Variants in CAMK1D observed in about 807,000 individuals in gnomAD.
CAMK1D encodes the protein calcium/calmodulin dependent protein kinase ID, also known as calcium/calmodulin-dependent protein kinase type 1D.
A neutral mutation model predicts 47.7 loss-of-function variants in CAMK1D; 9 were observed. That is an observed-to-expected ratio of 0.19 (90% CI 0.11 to 0.33). CAMK1D has a LOEUF of 0.33. CAMK1D is among the 10% of genes least tolerant of loss of function. CAMK1D has a pLI of 1.00. For missense variants in CAMK1D, 291 were observed against 488.7 expected, an observed-to-expected ratio of 0.60 and a Z score of 3.81; for synonymous variants, 184 against 184.9, an observed-to-expected ratio of 0.99 and a Z score of 0.04.
intron 2 of CAMK1D, among the ~76,000 whole-genome samples, chr10:12,643,434 C>T (rs1335889048): frequency 6.6e-6 from 1 of 152,132 alleles, no homozygotes; most frequent in Non-Finnish European, 1.5e-5. Context: ...GGTGAGTGGG[C>T]GAAGCTGCGT....
intron 6 of CAMK1D, among the ~76,000 whole-genome samples, chr10:12,801,830 G>A (rs2131037386): frequency 6.6e-6 from 1 of 152,252 alleles, no homozygotes; most frequent in South Asian, 2.1e-4. Context: ...TATAAAGTGG[G>A]TGTTGTTATC....
chr10:12,754,037 T>G (rs538748747), intron 3 of CAMK1D, among the ~76,000 whole-genome samples: 25 of 151,940 alleles, frequency 1.6e-4, no homozygotes, highest in African/African-American at 6.0e-4. Context: ...ATTACAGGAG[T>G]GTGGCACCAC....
chr10:12,756,939 A>G (rs1264843766), intron 3 of CAMK1D, among the ~76,000 whole-genome samples: 2 of 152,130 alleles, frequency 1.3e-5, no homozygotes, highest in African/African-American at 4.8e-5. Context: ...AAACAAAAGA[A>G]CTGAACAAAC....
chr10:12,594,361 T>G (rs1275543835), intron 2 of CAMK1D, among the ~76,000 whole-genome samples: 1 of 152,248 alleles, frequency 6.6e-6, no homozygotes, highest in African/African-American at 2.4e-5. Flanking sequence ...GTTTGTTTTG[T>G]TCAACCACGT....
At chr10:12,420,316 TGTA>T (rs898094538) in intron 1 of CAMK1D, among the ~76,000 whole-genome samples, 1 of 152,354 alleles carries the variant, frequency 6.6e-6, no homozygotes, top group East Asian at 1.9e-4. Flanking sequence ...TGGCAGCTGA[TGTA>T]GTAGTAGTAG....
Position 12,666,721 on chromosome 10 carries a change from TA to T in CAMK1D, c.225-14del, listed in dbSNP as rs760676163. On this transcript the variant is annotated splice_polypyrimidine_tract_variant and intron_variant, in intron 2 of 10. Coordinates refer to ENST00000619168, the MANE Select transcript of CAMK1D (RefSeq NM_153498.4). ...AATCATACTCACTATTTTGTGCGTC[TA>T]TTTTTTTTTTCAGGATTAAGCATGA... is the stretch of plus-strand genomic sequence containing the variant. 21 of 1,588,718 alleles carry T rather than the reference TA, an allele frequency of 1.3e-5. No homozygotes were observed. In the East Asian group the frequency reaches 4.7e-4, roughly 35 times the overall value.
At chr10:12,563,209 A>G (rs1836999058) in intron 2 of CAMK1D, among the ~76,000 whole-genome samples, 1 of 152,122 alleles carries the variant, frequency 6.6e-6, no homozygotes, top group South Asian at 2.1e-4. Flanking sequence ...AGAGAGAAAA[A>G]CCAGGTGTAG....
rs1840320738 is a variant in CAMK1D at position 12,428,301 on chromosome 10, G to T, written c.92+78391G>T. Among the ~76,000 whole-genome samples the T allele has an allele frequency of 2.0e-5, 3 of 152,140 alleles. No individual in the cohort carries two copies. In the South Asian group the frequency reaches 6.2e-4, roughly 32 times the overall value. ...TCCATCCTGCCTAGAATCCCTGCTG[G>T]CTTTTCTGAGCCCTCTTACCTGGGC... is the stretch of plus-strand genomic sequence containing the variant. On this transcript the variant is annotated intron_variant, in intron 1 of 10. Coordinates refer to ENST00000619168, the MANE Select transcript of CAMK1D (RefSeq NM_153498.4).
At chr10:12,819,793 G>A (rs957162602) in intron 8 of CAMK1D, among the ~76,000 whole-genome samples, 2 of 152,184 alleles carry the variant, frequency 1.3e-5, no homozygotes, top group Non-Finnish European at 2.9e-5. Flanking sequence ...CCTAGAGGCG[G>A]AAAGGGGGCT....
chr10:12,648,574 G>A (rs576731848), intron 2 of CAMK1D, among the ~76,000 whole-genome samples: 1 of 152,272 alleles, frequency 6.6e-6, no homozygotes, highest in Non-Finnish European at 1.5e-5. Flanking sequence ...AGATTCAAGC[G>A]ATTCTTCTGC....
intron 4 of CAMK1D, among the ~76,000 whole-genome samples, chr10:12,765,642 C>T (rs996910755): frequency 6.6e-6 from 1 of 152,172 alleles, no homozygotes; most frequent in East Asian, 1.9e-4. Context: ...TGGGGTGATA[C>T]CCGAGATTCA....
intron 2 of CAMK1D, among the ~76,000 whole-genome samples, chr10:12,645,518 G>C (rs948670739): frequency 3.3e-5 from 5 of 152,154 alleles, no homozygotes; most frequent in Non-Finnish European, 7.3e-5. Flanking sequence ...TGAAGAGCTG[G>C]GTCTCAGCCC....
chr10:12,707,788 C>A (rs1833783709), intron 3 of CAMK1D, among the ~76,000 whole-genome samples: 1 of 152,164 alleles, frequency 6.6e-6, no homozygotes, highest in Non-Finnish European at 1.5e-5. Flanking sequence ...CGCATACCTG[C>A]CTTTGAAGTT....
chr10:12,365,724 C>T (rs1162967136), intron 1 of CAMK1D, among the ~76,000 whole-genome samples: 1 of 152,180 alleles, frequency 6.6e-6, no homozygotes, highest in Admixed American at 6.5e-5. Flanking sequence ...AGGTGTAAGC[C>T]ACCACGCCCG....
At chr10:12,434,950 G>A (rs1832585126) in intron 1 of CAMK1D, among the ~76,000 whole-genome samples, 1 of 152,184 alleles carries the variant, frequency 6.6e-6, no homozygotes, top group Non-Finnish European at 1.5e-5. Flanking sequence ...GGGCGCAGTG[G>A]CTCACACTGG....
chr10:12,788,708 T>C (rs1052644095), intron 5 of CAMK1D, among the ~76,000 whole-genome samples: 3 of 152,216 alleles, frequency 2.0e-5, no homozygotes, highest in Non-Finnish European at 4.4e-5. Context: ...TGGCTCCCTT[T>C]TGTCAGTTCC....
intron 6 of CAMK1D, among the ~76,000 whole-genome samples, chr10:12,810,276 CTT>C (rs36022032): frequency 4.8e-5 from 6 of 126,200 alleles, no homozygotes; most frequent in Admixed American, 8.6e-5. Flanking sequence ...CCTAGCACCA[CTT>C]TTTTTTTTTT....
chr10:12,487,713 C>G (rs1051626817), intron 1 of CAMK1D, among the ~76,000 whole-genome samples: 1 of 152,214 alleles, frequency 6.6e-6, no homozygotes, highest in African/African-American at 2.4e-5. Context: ...CAGAAAGATG[C>G]AGTCTGTTCT....
chr10:12,701,538 CT>C (rs1202432083), intron 3 of CAMK1D, among the ~76,000 whole-genome samples: 1 of 152,176 alleles, frequency 6.6e-6, no homozygotes, highest in East Asian at 1.9e-4. Context: ...GCATTGCCCC[CT>C]CTCTTTCAGT....
Sources: gnomAD v4.1 joint callset for allele counts (sites outside exome capture counted in the v4.1 genomes callset) on GRCh38, gnomAD v4.1.1 for gene constraint, MANE v1.5 for transcripts, NCBI Gene and HGNC (gene_info 2026-07-23, HGNC 2026-07-21) for gene names.